The following TMEM232 variants were observed in gnomAD, a reference collection of about 807,000 sequenced individuals.
TMEM232 encodes transmembrane protein 232.
In TMEM232, 80 loss-of-function variants were observed where a neutral mutation model predicts 78.8. The ratio of observed to expected loss-of-function variants is 1.01; its 90% confidence interval spans 0.85 to 1.22. The LOEUF is 1.22. Among genes scored for constraint, TMEM232 ranks in the 50% most tolerant of loss-of-function variants. The pLI is 0.00. For synonymous variants in TMEM232, 297 were observed against 254.3 expected (o/e 1.17, Z -1.60); for missense variants, 881 against 742.2 (o/e 1.19, Z -2.17).
chr5:110,600,436 A>G (rs1298431795), intron 10 of TMEM232, among the ~76,000 whole-genome samples: 1 of 152,188 alleles, frequency 6.6e-6, no homozygotes, highest in Non-Finnish European at 1.5e-5. Flanking sequence ...ACAGAAGAAA[A>G]GAGAGAAGAA....
intron 9 of TMEM232, 48 bp downstream of exon 9, chr5:110,606,116 A>G: frequency 6.7e-7 from 1 of 1,487,028 alleles, no homozygotes; most frequent in Non-Finnish European, 9.0e-7. Flanking sequence ...CAAAAATAAA[A>G]TCTGTTTCTC....
chr5:110,720,079 C>A (rs1055481730), intron 1 of TMEM232, among the ~76,000 whole-genome samples: 1 of 152,034 alleles, frequency 6.6e-6, no homozygotes, highest in Non-Finnish European at 1.5e-5. Context: ...TAGGCTTGAA[C>A]CTTATGTTTC....
intron 12 of TMEM232, among the ~76,000 whole-genome samples, chr5:110,496,330 C>T (rs756678145): frequency 1.3e-5 from 2 of 151,864 alleles, no homozygotes; most frequent in Admixed American, 6.6e-5. Flanking sequence ...TGCATAGAAG[C>T]TGCAAAATTT....
intron 2 of TMEM232, among the ~76,000 whole-genome samples, chr5:110,650,684 C>G (rs1427667759): frequency 6.6e-6 from 1 of 152,018 alleles, no homozygotes; most frequent in Non-Finnish European, 1.5e-5. Context: ...AAAACAAAGT[C>G]TGAGAAACTG....
intron 12 of TMEM232, among the ~76,000 whole-genome samples, chr5:110,517,036 G>A (rs1420014734): frequency 2.0e-5 from 3 of 152,142 alleles, no homozygotes; most frequent in Non-Finnish European, 2.9e-5. Context: ...TTCTATAGGA[G>A]TCCTTATATG....
intron 1 of TMEM232, among the ~76,000 whole-genome samples, chr5:110,708,430 A>C (rs905137170): frequency 3.3e-5 from 5 of 152,218 alleles, no homozygotes; most frequent in Admixed American, 3.3e-4. Flanking sequence ...GTAGGCATGC[A>C]GAAAAATTCA....
intron 12 of TMEM232, among the ~76,000 whole-genome samples, chr5:110,479,006 C>T (rs549402453): frequency 3.4e-5 from 5 of 146,056 alleles, no homozygotes; most frequent in South Asian, 2.1e-4. Flanking sequence ...ACTGAGTCTG[C>T]GGTTAGGTCT....
intron 12 of TMEM232, among the ~76,000 whole-genome samples, chr5:110,459,756 A>G (rs1284407656): frequency 1.3e-5 from 2 of 152,182 alleles, no homozygotes; most frequent in Admixed American, 6.6e-5. Context: ...GAAATCTATT[A>G]GACACCCCCT....
intron 12 of TMEM232, among the ~76,000 whole-genome samples, chr5:110,507,587 C>T (rs1468386152): frequency 6.6e-6 from 1 of 152,148 alleles, no homozygotes; most frequent in Non-Finnish European, 1.5e-5. Context: ...TTAATTGCCC[C>T]TCCTAAGCCC....
chr5:110,544,087 C>T (rs973885072), intron 11 of TMEM232, among the ~76,000 whole-genome samples: 2 of 152,058 alleles, frequency 1.3e-5, no homozygotes, highest in African/African-American at 4.8e-5. Context: ...CCAACTTTAA[C>T]CATTTATTTA....
intron 1 of TMEM232, among the ~76,000 whole-genome samples, chr5:110,680,094 G>C (rs1028628947): frequency 6.6e-6 from 1 of 151,950 alleles, no homozygotes; most frequent in South Asian, 2.1e-4. Flanking sequence ...AAGCTCCCCA[G>C]GTGAGTTTAA....
chr5:110,647,842 ATAC>A (rs1787721136), intron 2 of TMEM232, among the ~76,000 whole-genome samples: 1 of 152,000 alleles, frequency 6.6e-6, no homozygotes, highest in Admixed American at 6.6e-5. Context: ...CAACAGGTGC[ATAC>A]TATTCTGGTT....
In TMEM232 at chr5:110,642,267, C is replaced by A; in HGVS notation, c.230G>T (p.Arg77Ile). ...CAAATGATATGCCATTACCTTACAT[C>A]TGAGAATGATTTTTCTAGCTAGTTC... ...LLELARKIIL[R>I]CKRKLGLKTL... Residue 77 changes from arginine (R) to isoleucine (I), a missense_variant, in exon 3 of 14, where the codon AGA (arginine) becomes ATA (isoleucine). Transcript: ENST00000455884. The A allele has an allele frequency of 2.0e-6, 3 of 1,532,878 alleles. No individual in the cohort carries two copies. 95.0% of individuals were successfully genotyped at this position (1,532,878 alleles called of 1,614,324 possible).
upstream of TMEM232, chr5:110,738,832 T>C (rs1799495118): frequency 1.0e-5 from 6 of 593,870 alleles, no homozygotes; most frequent in South Asian, 1.4e-4. Flanking sequence ...TCTTTGGTAC[T>C]GTGTTTCATT....
intron 10 of TMEM232, among the ~76,000 whole-genome samples, chr5:110,576,690 T>C (rs1295203863): frequency 1.3e-5 from 2 of 152,042 alleles, no homozygotes; most frequent in African/African-American, 2.4e-5. Flanking sequence ...AACAGATACA[T>C]AGACCAATGG....
chr5:110,685,793 A>C (rs1793323855), intron 1 of TMEM232, among the ~76,000 whole-genome samples: 1 of 152,176 alleles, frequency 6.6e-6, no homozygotes. Context: ...TGTTTATATA[A>C]TAGGATTATT....
chr5:110,576,842 T>A (rs1217039031), intron 10 of TMEM232, among the ~76,000 whole-genome samples: 1 of 151,940 alleles, frequency 6.6e-6, no homozygotes, highest in Non-Finnish European at 1.5e-5. Flanking sequence ...ATGCAGGAGA[T>A]TGAAACTGGA....
intron 3 of TMEM232, among the ~76,000 whole-genome samples, chr5:110,641,951 T>G (rs1388262247): frequency 2.6e-5 from 4 of 152,118 alleles, no homozygotes; most frequent in Non-Finnish European, 5.9e-5. Context: ...CTTTTTCTCC[T>G]TTGAGACACA....
At chr5:110,682,998 T>C (rs1338637699) in intron 1 of TMEM232, among the ~76,000 whole-genome samples, 1 of 152,144 alleles carries the variant, frequency 6.6e-6, no homozygotes, top group Non-Finnish European at 1.5e-5. Flanking sequence ...GTCTGTTTCA[T>C]TGTGCAGATT....
Sources: gnomAD v4.1 joint callset for allele counts (sites outside exome capture counted in the v4.1 genomes callset) on GRCh38, gnomAD v4.1.1 for gene constraint, MANE v1.5 for transcripts, NCBI Gene and HGNC (gene_info 2026-07-23, HGNC 2026-07-21) for gene names.